The following NRG3 variants were observed in gnomAD, a reference collection of about 807,000 sequenced individuals.
NRG3 encodes neuregulin 3.
A neutral mutation model predicts 66.9 loss-of-function variants in NRG3; 31 were observed. That is an observed-to-expected ratio of 0.46 (90% CI 0.35 to 0.63). The LOEUF (loss-of-function observed/expected upper bound fraction) is 0.63, where lower values mean the gene tolerates loss of function less well. Among genes scored for constraint, NRG3 ranks in the 20% least tolerant of loss-of-function variants. The pLI is 0.00. For synonymous variants in NRG3, 393 were observed against 359.4 expected (o/e 1.09, Z -1.06); for missense variants, 910 against 878.9 (o/e 1.04, Z -0.45).
chr10:82,903,838 C>G (rs1377845521), intron 4 of NRG3, among the ~76,000 whole-genome samples: 2 of 151,992 alleles, frequency 1.3e-5, no homozygotes, highest in African/African-American at 4.8e-5. Flanking sequence ...GTACAGGGGT[C>G]AGATTCCCTA....
At chr10:81,949,765 A>G (rs1347076902) in intron 1 of NRG3, among the ~76,000 whole-genome samples, 3 of 152,196 alleles carry the variant, frequency 2.0e-5, no homozygotes, top group Non-Finnish European at 4.4e-5. Flanking sequence ...ATGAATTAAT[A>G]TTTTATTTCA....
intron 3 of NRG3, among the ~76,000 whole-genome samples, chr10:82,799,384 G>C (rs1306437636): frequency 6.6e-6 from 1 of 151,916 alleles, no homozygotes; most frequent in African/African-American, 2.4e-5. Context: ...AAACTAGCTG[G>C]GCATGTTGGC....
intron 2 of NRG3, among the ~76,000 whole-genome samples, chr10:82,726,522 G>T: frequency 6.6e-6 from 1 of 152,074 alleles, no homozygotes; most frequent in Non-Finnish European, 1.5e-5. Flanking sequence ...CTTTTTGCCT[G>T]CTGCCATTCA....
At chr10:82,431,955 C>T (rs1189864325) in intron 2 of NRG3, among the ~76,000 whole-genome samples, 2 of 152,166 alleles carry the variant, frequency 1.3e-5, no homozygotes, top group Admixed American at 6.5e-5. Context: ...TTTAATCACT[C>T]TCATAATTGC....
intron 2 of NRG3, among the ~76,000 whole-genome samples, chr10:82,474,222 A>G (rs930910455): frequency 3.3e-5 from 5 of 152,038 alleles, no homozygotes; most frequent in East Asian, 1.9e-4. Flanking sequence ...ATATGAATGC[A>G]TGGTCCATTC....
chr10:82,949,351 C>A (rs976811867), intron 4 of NRG3, among the ~76,000 whole-genome samples: 1 of 151,554 alleles, frequency 6.6e-6, no homozygotes, highest in Non-Finnish European at 1.5e-5. Flanking sequence ...GTTAGGTCTT[C>A]GTCTTTTTCG....
chr10:82,894,793 T>C (rs1404028022), intron 4 of NRG3, among the ~76,000 whole-genome samples: 1 of 152,144 alleles, frequency 6.6e-6, no homozygotes, highest in East Asian at 1.9e-4. Context: ...GTTTGTTAAA[T>C]AGGTACACAT....
At chr10:82,721,896 A>T (rs2057342310) in intron 2 of NRG3, among the ~76,000 whole-genome samples, 1 of 151,906 alleles carries the variant, frequency 6.6e-6, no homozygotes, top group Non-Finnish European at 1.5e-5. Flanking sequence ...AATCTTGCCC[A>T]AGCTAGTGAC....
chr10:81,963,014 A>G (rs1195585527), intron 1 of NRG3, among the ~76,000 whole-genome samples: 3 of 152,148 alleles, frequency 2.0e-5, no homozygotes, highest in African/African-American at 7.2e-5. Context: ...AAGGGAGAGA[A>G]GAAATAGATT....
At chr10:82,909,366 C>A (rs1357077678) in intron 4 of NRG3, among the ~76,000 whole-genome samples, 3 of 152,132 alleles carry the variant, frequency 2.0e-5, no homozygotes, top group African/African-American at 7.2e-5. Context: ...AAAATTCAAA[C>A]TCCAAAATGC....
At chr10:82,963,454 G>A (rs1850880634) in intron 6 of NRG3, among the ~76,000 whole-genome samples, 1 of 152,218 alleles carries the variant, frequency 6.6e-6, no homozygotes, top group Admixed American at 6.5e-5. Context: ...GCCGAGGCGG[G>A]TGGATCACGA....
intron 1 of NRG3, among the ~76,000 whole-genome samples, chr10:82,080,685 G>C (rs2065341398): frequency 6.6e-6 from 1 of 151,922 alleles, no homozygotes; most frequent in Admixed American, 6.6e-5. Flanking sequence ...CTTAGCCACA[G>C]TTTTCTTTTT....
intron 1 of NRG3, among the ~76,000 whole-genome samples, chr10:82,148,477 T>C (rs1373197588): frequency 6.6e-6 from 1 of 152,184 alleles, no homozygotes; most frequent in East Asian, 1.9e-4. Context: ...ACCAAATGGC[T>C]TTTTTGCCGT....
At chr10:82,070,336 A>G (rs2064735007) in intron 1 of NRG3, among the ~76,000 whole-genome samples, 1 of 152,174 alleles carries the variant, frequency 6.6e-6, no homozygotes, top group African/African-American at 2.4e-5. Context: ...AAGGAGGGAG[A>G]AAAGAGGAGG....
intron 1 of NRG3, among the ~76,000 whole-genome samples, chr10:82,060,282 A>G (rs2064072986): frequency 6.6e-6 from 1 of 152,220 alleles, no homozygotes; most frequent in Admixed American, 6.5e-5. Context: ...TACACAATAT[A>G]TGGCATGCAT....
chr10:82,888,431 A>G (rs1842892949), intron 4 of NRG3, among the ~76,000 whole-genome samples: 1 of 152,196 alleles, frequency 6.6e-6, no homozygotes, highest in Non-Finnish European at 1.5e-5. Flanking sequence ...GTGCCTCGTG[A>G]AGCTCCAAGG....
At chr10:82,862,448 A>T (rs2135928966) in intron 3 of NRG3, among the ~76,000 whole-genome samples, 1 of 152,356 alleles carries the variant, frequency 6.6e-6, no homozygotes, top group African/African-American at 2.4e-5. Context: ...GAGATTTTAT[A>T]TGCTAATGAT....
intron 1 of NRG3, among the ~76,000 whole-genome samples, chr10:82,082,264 T>C (rs1284037556): frequency 6.6e-6 from 1 of 152,226 alleles, no homozygotes; most frequent in African/African-American, 2.4e-5. Context: ...TCTCAAGCTT[T>C]AAAAATGTTT....
chr10:82,276,518 A>G (rs1009011641), intron 1 of NRG3, among the ~76,000 whole-genome samples: 1 of 152,070 alleles, frequency 6.6e-6, no homozygotes, highest in African/African-American at 2.4e-5. Flanking sequence ...GGTTAACCTG[A>G]TTCTTCTTTG....
Sources: allele counts gnomAD v4.1 joint callset (sites outside exome capture counted in the v4.1 genomes callset), GRCh38; gene constraint gnomAD v4.1.1; transcripts MANE v1.5; gene names NCBI Gene and HGNC (gene_info 2026-07-23, HGNC 2026-07-21).